The following DMD variants were observed in gnomAD, a reference collection of about 807,000 sequenced individuals.
DMD encodes mutant dystrophin.
A neutral mutation model predicts 330.1 loss-of-function variants in DMD; 63 were observed. The ratio of observed to expected loss-of-function variants is 0.19; its 90% CI spans 0.16 to 0.24. The LOEUF (loss-of-function observed/expected upper bound fraction) is 0.24, where lower values mean the gene tolerates loss of function less well. Among genes scored for constraint, DMD ranks in the 10% least tolerant of loss-of-function variants. DMD has a pLI of 1.00. For missense variants in DMD, 3,344 were observed against 2,684.1 expected (o/e 1.25, Z -5.43); for synonymous variants, 1,223 against 959.8 (o/e 1.27, Z -5.07).
At chrX:32,764,836 C>T (rs775920648) in intron 7 of DMD, among the ~76,000 whole-genome samples, 12 of 110,853 alleles carry the variant, frequency 1.1e-4, no homozygotes, top group South Asian at 3.7e-4. Context: ...GGTAATTCTA[C>T]GTTCTATATT....
At chrX:33,108,881 A>AAAAAAAAAAAAAAAAAAG (rs1201118214) in intron 1 of DMD, among the ~76,000 whole-genome samples, 2 of 99,687 alleles carry the variant, frequency 2.0e-5, no homozygotes, top group African/African-American at 3.5e-5. Context: ...AAAAAAAAAA[A>AAAAAAAAAAAAAAAAAAG]AAGAAGAAGA....
At chrX:31,530,458 T>C (rs7889872) in intron 55 of DMD, among the ~76,000 whole-genome samples, 2 of 110,927 alleles carry the variant, frequency 1.8e-5, no homozygotes, top group African/African-American at 6.6e-5. Context: ...ATCTCCCACT[T>C]CCAGCTTGAT....
In DMD at chrX:33,041,798, G is replaced by T. The variant is rs1182522461; in HGVS notation, c.32-21598C>A. On this transcript the variant is annotated intron_variant, in intron 1 of 78. Coordinates refer to ENST00000357033, the MANE Select transcript of DMD (RefSeq NM_004006.3). The stretch of plus-strand genomic sequence containing the variant: ...CAATCCATTATTTTTGACCACTGCG[G>T]TGTGTTCAAGTAGTATGAGAATGTG... The T allele has an allele frequency of 3.2e-6, 3 of 930,780 alleles. No individual in the cohort carries two copies. The African/African-American group carries it at 5.9e-5, about 18-fold the overall frequency. The allele number at this position is 930,780 out of a possible 1,213,427, so 76.7% of individuals were successfully genotyped here. A position where few individuals can be genotyped will look rare whatever the true frequency, so the allele number is the denominator to read the frequency against.
At chrX:32,735,083 C>G (rs749095219) in intron 7 of DMD, among the ~76,000 whole-genome samples, 1 of 110,263 alleles carries the variant, frequency 9.1e-6, no homozygotes, top group Admixed American at 9.7e-5. Flanking sequence ...GATACAAAAT[C>G]AATGTACAAA....
At position 31,430,928 on chromosome X, in the gene DMD, A is replaced by G. The variant is rs778960650; in HGVS notation, c.9084+13553T>C. 1.2e-4 allele frequency among the ~76,000 whole-genome samples: 12 copies of G among 102,610 alleles called. No homozygotes were observed. The South Asian group carries it at 5.2e-3, about 44-fold the overall frequency. The allele number at this position is 102,610 out of a possible 115,157, so 89.1% of individuals were successfully genotyped here. Reference sequence around the variant, plus strand: ...TGCCATTCTCCAGCCTCAGCCTCCCAAGTAGCTGGGACTACAGGCGCCTGC... The same window carrying G: ...TGCCATTCTCCAGCCTCAGCCTCCCGAGTAGCTGGGACTACAGGCGCCTGC... On this transcript the variant is annotated intron_variant, in intron 60 of 78. Transcript: ENST00000357033.
At chrX:33,191,455 G>A (rs1037995364) in intron 1 of DMD, among the ~76,000 whole-genome samples, 2 of 109,187 alleles carry the variant, frequency 1.8e-5, no homozygotes, top group East Asian at 2.9e-4. Context: ...ATAGAGTCTC[G>A]CTCTGTCACC....
At chrX:32,967,536 G>A (rs1375014780) in intron 2 of DMD, among the ~76,000 whole-genome samples, 1 of 111,336 alleles carries the variant, frequency 9.0e-6, no homozygotes, top group Non-Finnish European at 1.9e-5. Flanking sequence ...CCTGAAGAAT[G>A]CTGCTTGGGT....
chrX:31,474,752 TAAAAA>T (rs10551962), intron 59 of DMD, among the ~76,000 whole-genome samples: 2,273 of 100,052 alleles, frequency 0.023, 63 homozygotes, highest in African/African-American at 0.067. Flanking sequence ...TAAAATAAAA[TAAAAA>T]AAGAGAAACC....
chrX:32,312,419 G>C lies in DMD; in HGVS notation c.5923-2143C>G, dbSNP rs146340965. ...TCTCAGCTATCTTAAATTCATATTG[G>C]TGCTTAATAAATATAGTAATTGTGG... On this transcript the variant is annotated intron_variant, in intron 41 of 78. Transcript: ENST00000357033. Among the ~76,000 whole-genome samples the C allele has an allele frequency of 3.1e-3, 346 of 110,484 alleles. 12 individuals carry two copies. The East Asian group carries it at 0.084, about 27-fold the overall frequency.
intron 3 of DMD, among the ~76,000 whole-genome samples, chrX:32,848,375 T>C (rs1467270472): frequency 1.8e-5 from 2 of 111,976 alleles, no homozygotes; most frequent in African/African-American, 6.5e-5. Context: ...GGAGATGAAT[T>C]ACACACAAAT....
rs983226345 is a variant in DMD at position 32,827,662 on chromosome X, T to C, written c.265-4275A>G. On this transcript the variant is annotated intron_variant, in intron 4 of 78. Coordinates refer to ENST00000357033, the MANE Select transcript of DMD (RefSeq NM_004006.3). The stretch of plus-strand genomic sequence containing the variant: ...ATGTGTTCTTGTTATTAACTCCCCT[T>C]TTTTTTTTTTTTTTTGAGGTGGAGT... Among the ~76,000 whole-genome samples the C allele has an allele frequency of 4.8e-3, 47 of 9,715 alleles. No homozygotes were observed. In the East Asian group the frequency reaches 0.067, roughly 14 times the overall value. 8.4% of individuals were successfully genotyped at this position (9,715 alleles called of 115,157 possible).
At chrX:32,074,442 T>A (rs779783984) in intron 44 of DMD, among the ~76,000 whole-genome samples, 1 of 112,322 alleles carries the variant, frequency 8.9e-6, no homozygotes, top group African/African-American at 3.2e-5. Flanking sequence ...AACTATAGCC[T>A]GTGTGACAAC....
chrX:31,509,242 G>A (rs2071248111), intron 55 of DMD, among the ~76,000 whole-genome samples: 1 of 111,747 alleles, frequency 8.9e-6, no homozygotes, highest in Non-Finnish European at 1.9e-5. Context: ...GCCATTTTAT[G>A]TTTTTCTTTC....
chrX:32,581,018 G>C (rs919928787), intron 13 of DMD, among the ~76,000 whole-genome samples: 1 of 110,815 alleles, frequency 9.0e-6, no homozygotes, highest in Admixed American at 9.6e-5. Context: ...TAGAGATGGG[G>C]TTTCACCATG....
At chrX:31,716,080 A>G (rs762645536) in intron 52 of DMD, among the ~76,000 whole-genome samples, 1 of 112,472 alleles carries the variant, frequency 8.9e-6, no homozygotes, top group African/African-American at 3.2e-5. Context: ...GGCGAAACAT[A>G]TACTACATGG....
intron 6 of DMD, among the ~76,000 whole-genome samples, chrX:32,812,531 G>C (rs1482568706): frequency 8.9e-6 from 1 of 111,997 alleles, no homozygotes; most frequent in Non-Finnish European, 1.9e-5. Flanking sequence ...TACTCAGGAG[G>C]CTGAGGCAGT....
Position 32,178,940 on chromosome X carries a change from T to TTCTCTCTCTCTCTCTCTC in DMD, c.6438+37958_6438+37975dup, listed in dbSNP as rs528690053. Among the ~76,000 whole-genome samples the TTCTCTCTCTCTCTCTCTC allele has an allele frequency of 1.0e-4, 7 of 68,617 alleles. No individual in the cohort carries two copies. In the East Asian group the frequency reaches 1.5e-3, roughly 15 times the overall value. 59.6% of individuals were successfully genotyped at this position (68,617 alleles called of 115,157 possible). ...TTAGCCCTTCCATAGAAACCCCAGA[T>TTCTCTCTCTCTCTCTCTC]TCTCTCTCTCTCTCTCTCTCTCTCT... On this transcript the variant is annotated intron_variant, in intron 44 of 78. Coordinates refer to ENST00000357033, the MANE Select transcript of DMD (RefSeq NM_004006.3).
At chrX:31,793,742 C>T (rs1427803987) in intron 50 of DMD, among the ~76,000 whole-genome samples, 1 of 112,181 alleles carries the variant, frequency 8.9e-6, no homozygotes, top group Non-Finnish European at 1.9e-5. Context: ...GTGCATATTA[C>T]TTTCACACCA....
chrX:32,716,542 A>G (rs189725762), intron 7 of DMD, among the ~76,000 whole-genome samples: 2 of 111,543 alleles, frequency 1.8e-5, no homozygotes, highest in Non-Finnish European at 3.8e-5. Context: ...GCAATGCGAG[A>G]AAGGACTAAT....
Sources: allele counts gnomAD v4.1 joint callset (sites outside exome capture counted in the v4.1 genomes callset), GRCh38; gene constraint gnomAD v4.1.1; transcripts MANE v1.5; gene names NCBI Gene and HGNC (gene_info 2026-07-23, HGNC 2026-07-21).